Variants in MYO9A observed in about 807,000 individuals in gnomAD.
MYO9A encodes myosin IXA.
MYO9A carries 103 observed loss-of-function variants against 293.3 expected under a neutral mutation model. The ratio of observed to expected loss-of-function variants is 0.35; its 90% CI spans 0.30 to 0.41. The LOEUF (loss-of-function observed/expected upper bound fraction) is 0.41. Among genes scored for constraint, MYO9A ranks in the 10% least tolerant of loss-of-function variants. MYO9A has a pLI of 1.00. For missense variants in MYO9A, 2,685 were observed against 3,033.0 expected, an observed-to-expected ratio of 0.89 and a Z score of 2.69; for synonymous variants, 1,001 against 1,035.7, an observed-to-expected ratio of 0.97 and a Z score of 0.64.
At chr15:72,103,728 CAT>C (rs2080473805) in intron 1 of MYO9A, among the ~76,000 whole-genome samples, 1 of 152,188 alleles carries the variant, frequency 6.6e-6, no homozygotes, top group Non-Finnish European at 1.5e-5. Flanking sequence ...ATAATATACA[CAT>C]AGTATTATTA....
intron 32 of MYO9A, among the ~76,000 whole-genome samples, chr15:71,867,515 T>A (rs1368462001): frequency 6.6e-6 from 1 of 150,792 alleles, no homozygotes; most frequent in Non-Finnish European, 1.5e-5. Flanking sequence ...ATCTCTCTAA[T>A]GTACAGAGTT....
intron 32 of MYO9A, among the ~76,000 whole-genome samples, chr15:71,863,397 GAAC>G (rs1192825327): frequency 6.6e-6 from 1 of 151,366 alleles, no homozygotes; most frequent in Non-Finnish European, 1.5e-5. Context: ...TATTTAAAAT[GAAC>G]AATAAATGTA....
intron 1 of MYO9A, among the ~76,000 whole-genome samples, chr15:72,101,548 G>A (rs1231846145): frequency 2.1e-4 from 23 of 111,116 alleles, no homozygotes; most frequent in East Asian, 9.6e-4. Context: ...CAGCCGCCCC[G>A]TCCGGGAGGT....
intron 39 of MYO9A, among the ~76,000 whole-genome samples, chr15:71,839,298 TTGAGTTC>T (rs1366573951): frequency 1.3e-5 from 2 of 152,204 alleles, no homozygotes; most frequent in East Asian, 3.8e-4. Flanking sequence ...GGTAGGGTAC[TTGAGTTC>T]TACAGGATGC....
rs2054441700 is a variant in MYO9A, at chr15:71,825,471, TAAA to T, written c.*1106_*1108del. ...TACTGATAGTCTGAGAAAAGGAAGA[TAAA>T]AGTTAGTTAGTTAGATAGGTCATAT... On this transcript the variant is annotated 3_prime_UTR_variant, in exon 42 of 42. Coordinates refer to ENST00000356056, the MANE Select transcript of MYO9A (RefSeq NM_006901.4). The T allele has an allele frequency of 6.6e-6, 1 of 151,858 alleles. No homozygotes were observed. The highest frequency in any genetic ancestry group is 1.5e-5 in the Non-Finnish European group (1 of 67,972). The allele number at this position is 151,858 out of a possible 1,614,324, so 9.4% of individuals were successfully genotyped here.
At chr15:72,038,159 G>A (rs1276257797) in intron 2 of MYO9A, among the ~76,000 whole-genome samples, 2 of 152,200 alleles carry the variant, frequency 1.3e-5, no homozygotes, top group Non-Finnish European at 1.5e-5. Context: ...CTGGGCTCAA[G>A]TGATCCACTC....
intron 23 of MYO9A, among the ~76,000 whole-genome samples, chr15:71,900,767 T>C (rs2057460501): frequency 6.6e-6 from 1 of 152,188 alleles, no homozygotes; most frequent in African/African-American, 2.4e-5. Flanking sequence ...ATGGAAATGA[T>C]ATAAATCAAT....
chr15:71,886,359 A>C (rs2142836367), intron 27 of MYO9A, among the ~76,000 whole-genome samples: 1 of 152,192 alleles, frequency 6.6e-6, no homozygotes, highest in Admixed American at 6.5e-5. Flanking sequence ...GCTAGACAGA[A>C]GTCCCCAAAA....
At chr15:71,913,597 C>T (rs2057923910) in intron 19 of MYO9A, among the ~76,000 whole-genome samples, 1 of 151,408 alleles carries the variant, frequency 6.6e-6, no homozygotes, top group Non-Finnish European at 1.5e-5. Context: ...TTTTTTTTTC[C>T]CCCTTGTTAT....
chr15:71,884,975 TTA>T lies in MYO9A; in HGVS notation c.5256-1241_5256-1240del, dbSNP rs1491134004. ...TCTTTCTTCCTTTTTTTTTTTTTTT[TTA>T]AAAAAAAGCTTATTACTAAACTCAT... On this transcript the variant is annotated intron_variant, in intron 27 of 41. Coordinates refer to ENST00000356056, the MANE Select transcript of MYO9A (RefSeq NM_006901.4). 4.7e-3 allele frequency among the ~76,000 whole-genome samples: 708 copies of T among 149,664 alleles called. 5 individuals carry two copies. Among genetic ancestry groups the T allele is most frequent in the African/African-American group, 0.016 (660 of 40,456 alleles).
intron 1 of MYO9A, among the ~76,000 whole-genome samples, chr15:72,083,577 GTTCT>G (rs1172554368): frequency 6.6e-6 from 1 of 152,064 alleles, no homozygotes; most frequent in African/African-American, 2.4e-5. Context: ...TGGTTTTCTA[GTTCT>G]TTTAGTTGTG....
In MYO9A at chr15:71,998,824, C is replaced by T. The variant is rs28628140; in HGVS notation, c.1470+1027G>A. Among the ~76,000 whole-genome samples the T allele has an allele frequency of 5.6e-3, 853 of 151,916 alleles. 13 individuals carry two copies. The highest frequency in any genetic ancestry group is 0.02 in the African/African-American group (807 of 41,360). ...ATTCCCATCTATGAGTGAGAACGTG[C>T]GGTGTTCGGTTTTTTGTCCTTGCGA... is the stretch of plus-strand genomic sequence containing the variant. On this transcript the variant is annotated intron_variant, in intron 9 of 41. Coordinates refer to ENST00000356056, the MANE Select transcript of MYO9A (RefSeq NM_006901.4).
intron 34 of MYO9A, among the ~76,000 whole-genome samples, chr15:71,855,853 C>T (rs144617922): frequency 1.4e-3 from 210 of 152,222 alleles, no homozygotes; most frequent in African/African-American, 4.8e-3. Context: ...AAACCTTTAG[C>T]GGCTAATTAG....
intron 34 of MYO9A, 84 bp from the exon 35 acceptor site, chr15:71,854,653 T>C (rs1178831358): frequency 8.8e-7 from 1 of 1,139,260 alleles, no homozygotes; most frequent in East Asian, 2.6e-5. Context: ...GGAGCTACTT[T>C]TTTATTTCTC....
Position 71,824,540 on chromosome 15 carries a change from C to G in MYO9A, c.*2040G>C, listed in dbSNP as rs1279028297. 1 of 152,256 alleles carries G rather than the reference C, an allele frequency of 6.6e-6. No homozygotes were observed. The highest frequency in any genetic ancestry group is 2.4e-5 in the African/African-American group (1 of 41,462). The allele number at this position is 152,256 out of a possible 1,614,324, so 9.4% of individuals were successfully genotyped here. On this transcript the variant is annotated 3_prime_UTR_variant, in exon 42 of 42. Coordinates refer to ENST00000356056, the MANE Select transcript of MYO9A (RefSeq NM_006901.4). ...TCTCCCAAGAACACTGAAACACAGACTGTGCAACCTGGCACGGGGCTGAGG... is the reference window on the plus strand; with the variant it reads ...TCTCCCAAGAACACTGAAACACAGAGTGTGCAACCTGGCACGGGGCTGAGG...
chr15:71,902,040 T>C (rs186324611), intron 22 of MYO9A, among the ~76,000 whole-genome samples: 3 of 152,218 alleles, frequency 2.0e-5, no homozygotes, highest in Non-Finnish European at 1.5e-5. Flanking sequence ...GACATATCCC[T>C]TTAGAAACAG....
intron 6 of MYO9A, among the ~76,000 whole-genome samples, chr15:72,013,604 C>T (rs2077236621): frequency 1.3e-5 from 2 of 152,160 alleles, no homozygotes; most frequent in Admixed American, 1.3e-4. Flanking sequence ...ACATACCCAC[C>T]AAATGCTCTT....
chr15:71,983,988 G>A (rs2076345939), intron 11 of MYO9A, among the ~76,000 whole-genome samples: 1 of 152,156 alleles, frequency 6.6e-6, no homozygotes, highest in Admixed American at 6.5e-5. Flanking sequence ...TATTTCCACT[G>A]AAAGGCTGAC....
chr15:71,892,188 T>A (rs1382652396), intron 26 of MYO9A: 2 of 152,222 alleles, frequency 1.3e-5, no homozygotes, highest in Admixed American at 1.3e-4. Flanking sequence ...GCTGAGAAGA[T>A]GATATAGTTA....
Sources: gnomAD v4.1 joint callset for allele counts (sites outside exome capture counted in the v4.1 genomes callset) on GRCh38, gnomAD v4.1.1 for gene constraint, MANE v1.5 for transcripts, NCBI Gene and HGNC (gene_info 2026-07-23, HGNC 2026-07-21) for gene names.